SH3RF2: variants seen among roughly 807,000 people sequenced by gnomAD.
The protein encoded by SH3RF2 is E3 ubiquitin-protein ligase SH3RF2.
A neutral mutation model predicts 59.0 loss-of-function variants in SH3RF2; 43 were observed. The observed-to-expected ratio is 0.73, with a 90% CI of 0.57 to 0.94. The LOEUF is 0.94. Among genes scored for constraint, SH3RF2 ranks in the 40% least tolerant of loss-of-function variants. SH3RF2 has a pLI of 0.00. For synonymous variants in SH3RF2, 391 were observed against 391.5 expected (o/e 1.00, Z 0.01); for missense variants, 930 against 940.1 (o/e 0.99, Z 0.14).
At chr5:146,048,263 T>C (rs2150014487) in intron 6 of SH3RF2, among the ~76,000 whole-genome samples, 1 of 151,598 alleles carries the variant, frequency 6.6e-6, no homozygotes, top group Non-Finnish European at 1.5e-5. Context: ...ATCAGTGAGC[T>C]ATGATCATCC....
chr5:146,025,676 A>G (rs901911467), intron 5 of SH3RF2, among the ~76,000 whole-genome samples: 1 of 152,108 alleles, frequency 6.6e-6, no homozygotes, highest in African/African-American at 2.4e-5. Flanking sequence ...TGGAAACTAA[A>G]TACTGCCAAT....
chr5:145,997,686 A>G, intron 2 of SH3RF2: 2 of 1,563,142 alleles, frequency 1.3e-6, no homozygotes. Context: ...AATAATTGCT[A>G]AGGTAACAGG....
intron 8 of SH3RF2, among the ~76,000 whole-genome samples, chr5:146,057,371 A>G (rs1762707402): frequency 6.6e-6 from 1 of 152,042 alleles, no homozygotes; most frequent in African/African-American, 2.4e-5. Flanking sequence ...CACAACACAC[A>G]CACACAATAA....
downstream of SH3RF2, among the ~76,000 whole-genome samples, chr5:146,068,208 C>T (rs1196127863): frequency 1.3e-5 from 2 of 152,188 alleles, no homozygotes; most frequent in Non-Finnish European, 2.9e-5. Flanking sequence ...TTGGCAGGTA[C>T]GGAAGTTATC....
intron 2 of SH3RF2, among the ~76,000 whole-genome samples, chr5:145,941,124 C>A (rs114860718): frequency 1.3e-5 from 2 of 152,114 alleles, no homozygotes; most frequent in Non-Finnish European, 2.9e-5. Flanking sequence ...AAGGACTTGC[C>A]GATAACCTGG....
At chr5:145,997,661 C>G (rs1760221967) in intron 2 of SH3RF2, 2 of 1,567,050 alleles carry the variant, frequency 1.3e-6, no homozygotes, top group East Asian at 2.3e-5. Context: ...CTGTTTGCTA[C>G]CCAGTTCAGT....
intron 5 of SH3RF2, among the ~76,000 whole-genome samples, chr5:146,023,675 C>G (rs1026105225): frequency 6.6e-6 from 1 of 152,136 alleles, no homozygotes; most frequent in Non-Finnish European, 1.5e-5. Context: ...CACAGTTGAG[C>G]ATTCATCACC....
chr5:146,015,314 G>A (rs981193238), intron 5 of SH3RF2, among the ~76,000 whole-genome samples: 4 of 152,068 alleles, frequency 2.6e-5, no homozygotes, highest in South Asian at 2.1e-4. Flanking sequence ...ACATGCACAC[G>A]CACACACATA....
At chr5:146,077,928 G>A (rs1375979387) in intron 9 of SH3RF2, among the ~76,000 whole-genome samples, 1 of 152,106 alleles carries the variant, frequency 6.6e-6, no homozygotes, top group Non-Finnish European at 1.5e-5. Context: ...TCAGGGTTTA[G>A]AGTAGGAGTA....
intron 2 of SH3RF2, among the ~76,000 whole-genome samples, chr5:145,956,811 A>C (rs1758433595): frequency 6.6e-6 from 1 of 152,170 alleles, no homozygotes; most frequent in South Asian, 2.1e-4. Context: ...TTACCTAGGT[A>C]ATTTGGGAGT....
intron 1 of SH3RF2, among the ~76,000 whole-genome samples, chr5:145,937,355 T>C (rs1177837028): frequency 6.6e-6 from 1 of 152,150 alleles, no homozygotes. Context: ...CAGATAAACT[T>C]ACCCACCTAA....
In SH3RF2 at chr5:146,028,209, C is replaced by CACACACAG. The variant is rs1491332228; in HGVS notation, c.1059+14149_1059+14150insCACACAGA. 2.1e-3 allele frequency among the ~76,000 whole-genome samples: 271 copies of CACACACAG among 129,058 alleles called. 1 individual carries two copies. Among genetic ancestry groups the CACACACAG allele is most frequent in the African/African-American group, 7.2e-3 (258 of 35,762 alleles). 84.7% of individuals were successfully genotyped at this position (129,058 alleles called of 152,430 possible). A position where few individuals can be genotyped will look rare whatever the true frequency, so the allele number is the denominator to read the frequency against. ...ACACACACACACACACACACACACA[C>CACACACAG]AGAGATAATTCAACAAGAAAGGAAG... is the stretch of plus-strand genomic sequence containing the variant. On this transcript the variant is annotated intron_variant, in intron 5 of 9. Transcript: ENST00000359120.
chr5:146,073,843 G>A (rs1763286426), intron 9 of SH3RF2, among the ~76,000 whole-genome samples: 1 of 152,080 alleles, frequency 6.6e-6, no homozygotes, highest in Non-Finnish European at 1.5e-5. Context: ...AAAGTGATGG[G>A]ACAGAGAATG....
rs556793418 is a variant in SH3RF2 at position 145,980,296 on chromosome 5, C to T, written c.379-19762C>T. Among the ~76,000 whole-genome samples the T allele has an allele frequency of 3.3e-5, 5 of 152,264 alleles. No homozygotes were observed. The South Asian group carries it at 1.0e-3, about 32-fold the overall frequency. The stretch of plus-strand genomic sequence containing the variant: ...CAAATTAATTAGGTGTATGTTTTTC[C>T]AGGCTTTATCTTTGTGTACACATAC... On this transcript the variant is annotated intron_variant, in intron 2 of 9. Transcript: ENST00000359120.
intron 2 of SH3RF2, among the ~76,000 whole-genome samples, chr5:145,998,472 C>G (rs1051793959): frequency 2.0e-5 from 3 of 146,678 alleles, no homozygotes; most frequent in Admixed American, 6.9e-5. Flanking sequence ...TTTCCTAGAG[C>G]TGGAATAAAA....
intron 4 of SH3RF2, among the ~76,000 whole-genome samples, chr5:146,009,621 A>G (rs1336729973): frequency 6.6e-6 from 1 of 152,162 alleles, no homozygotes; most frequent in African/African-American, 2.4e-5. Flanking sequence ...ATCATGTCAG[A>G]GCACTTATAA....
chr5:145,987,190 C>T (rs1759744121), intron 2 of SH3RF2, among the ~76,000 whole-genome samples: 1 of 152,106 alleles, frequency 6.6e-6, no homozygotes, highest in Admixed American at 6.5e-5. Flanking sequence ...AATATTTTTT[C>T]TCTGTTTTAC....
chr5:145,996,287 G>A (rs937519978), intron 2 of SH3RF2, among the ~76,000 whole-genome samples: 1 of 152,118 alleles, frequency 6.6e-6, no homozygotes, highest in African/African-American at 2.4e-5. Context: ...GCTACAATGC[G>A]AGGTGATTAC....
chr5:146,053,068 C>T (rs190583772), intron 7 of SH3RF2, among the ~76,000 whole-genome samples: 1 of 152,238 alleles, frequency 6.6e-6, no homozygotes, highest in African/African-American at 2.4e-5. Context: ...AACATCATCA[C>T]CTAATGAACT....
Sources: gnomAD v4.1 joint callset for allele counts (sites outside exome capture counted in the v4.1 genomes callset) on GRCh38, gnomAD v4.1.1 for gene constraint, MANE v1.5 for transcripts, NCBI Gene and HGNC (gene_info 2026-07-23, HGNC 2026-07-21) for gene names.